Variants in KIAA1191 observed in about 807,000 individuals in gnomAD.
The protein encoded by KIAA1191 is KIAA1191, also known as putative monooxygenase p33MONOX.
A neutral mutation model predicts 31.1 loss-of-function variants in KIAA1191; 22 were observed. That is an observed-to-expected ratio of 0.71 (90% CI 0.51 to 1.01). The LOEUF is 1.01. Ranked by LOEUF, KIAA1191 falls within the 50% of genes least tolerant of loss-of-function variation. The probability of loss-of-function intolerance (pLI) is 0.00; values close to 1 mark genes in which losing one functional copy is unlikely to be tolerated. For synonymous variants in KIAA1191, 130 were observed against 143.9 expected (o/e 0.90, Z 0.69); for missense variants, 319 against 388.0 (o/e 0.82, Z 1.49).
intron 6 of KIAA1191, among the ~76,000 whole-genome samples, chr5:176,348,624 G>A (rs1244163115): frequency 1.3e-5 from 2 of 151,088 alleles, no homozygotes; most frequent in Non-Finnish European, 1.5e-5. Context: ...TTTCAGAAAC[G>A]TGAAGTAATT....
chr5:176,360,488 A>G (rs1234902378), intron 1 of KIAA1191, among the ~76,000 whole-genome samples: 4 of 150,784 alleles, frequency 2.7e-5, no homozygotes, highest in Admixed American at 2.6e-4. Context: ...TCTTACAGAA[A>G]GGCTATCCCA....
At chr5:176,353,323 T>C (rs1237154451) in intron 4 of KIAA1191, 1 of 152,270 alleles carries the variant, frequency 6.6e-6, no homozygotes, top group African/African-American at 2.4e-5. Context: ...CAAGTAATGG[T>C]CTTTTGAAAC....
intron 8 of KIAA1191, 56 bp downstream of exon 8, chr5:176,347,865 T>C: frequency 1.2e-6 from 2 of 1,611,348 alleles, no homozygotes; most frequent in Admixed American, 1.7e-5. Flanking sequence ...GCTCCCGGTA[T>C]ACAATATGGT....
chr5:176,354,946 A>G (rs1036981391), intron 4 of KIAA1191, among the ~76,000 whole-genome samples: 5 of 152,072 alleles, frequency 3.3e-5, no homozygotes, highest in African/African-American at 1.2e-4. Flanking sequence ...AAAGGATACC[A>G]GTTTTCAGGC....
At position 176,347,557 on chromosome 5, in the gene KIAA1191, G is replaced by A; in HGVS notation, c.*43C>T. On this transcript the variant is annotated 3_prime_UTR_variant, in exon 9 of 9. Transcript: ENST00000298569. ...CAAAGCCAAGGTAAAAGGGGAGTGG[G>A]ATGCAAGAAACCACCTTTACCAGAA... 6.5e-6 allele frequency: 9 copies of A among 1,393,072 alleles called. No homozygotes were observed. Among genetic ancestry groups the A allele is most frequent in the Non-Finnish European group, 8.6e-6 (9 of 1,044,652 alleles). 86.3% of individuals were successfully genotyped at this position (1,393,072 alleles called of 1,614,324 possible).
intron 2 of KIAA1191, 96 bp from the exon 3 acceptor site, chr5:176,359,663 G>C: frequency 1.5e-6 from 1 of 655,634 alleles, no homozygotes; most frequent in Non-Finnish European, 2.8e-6. Context: ...TTACAAGGTT[G>C]AAACACACAT....
chr5:176,354,715 T>C (rs555177033), intron 4 of KIAA1191, among the ~76,000 whole-genome samples: 7 of 152,226 alleles, frequency 4.6e-5, no homozygotes, highest in African/African-American at 1.4e-4. Flanking sequence ...GAGCAGTTTT[T>C]GGGAATCTAT....
At chr5:176,359,406 G>C (rs1432647755) in intron 3 of KIAA1191, 75 bp downstream of exon 3, 3 of 1,340,560 alleles carry the variant, frequency 2.2e-6, no homozygotes, top group East Asian at 2.3e-5. Context: ...ATATAGTTCC[G>C]ATAAAATGGT....
intron 4 of KIAA1191, chr5:176,354,086 T>C (rs1305288291): frequency 2.0e-5 from 3 of 152,238 alleles, no homozygotes; most frequent in Non-Finnish European, 4.4e-5. Context: ...TTATCAAATA[T>C]GGCTCTACTA....
At chr5:176,358,824 C>G (rs1561761580) in intron 3 of KIAA1191, among the ~76,000 whole-genome samples, 1 of 152,118 alleles carries the variant, frequency 6.6e-6, no homozygotes, top group African/African-American at 2.4e-5. Flanking sequence ...GTGGCTCACG[C>G]CTGTAATCCC....
chr5:176,359,963 T>C (rs1198152936), intron 1 of KIAA1191, 45 bp from the exon 2 acceptor site: 1 of 165,248 alleles, frequency 6.1e-6, no homozygotes, highest in African/African-American at 2.4e-5. Context: ...CGTCAGAGTC[T>C]GCCAAACACT....
chr5:176,359,635 C>A, intron 2 of KIAA1191, 68 bp from the exon 3 acceptor site: 1 of 754,574 alleles, frequency 1.3e-6, no homozygotes. Flanking sequence ...GGCAGGCACA[C>A]AGAATTGAAC....
Position 176,347,724 on chromosome 5 carries a change from T to C in KIAA1191, c.794A>G (p.Glu265Gly). 6.2e-7 allele frequency: 1 copy of C among 1,610,186 alleles called. No homozygotes were observed. Among genetic ancestry groups the C allele is most frequent in the Non-Finnish European group, 8.5e-7 (1 of 1,178,394 alleles). The change falls in exon 9 of 9, where the codon GAA (glutamate) becomes GGA (glycine). Residue 265 changes from glutamate (E) to glycine (G), a missense_variant. Coordinates refer to ENST00000298569, the MANE Select transcript of KIAA1191 (RefSeq NM_020444.5). ...GGGGGGCTTCAAGGCTGCTGGATCT[T>C]CAGCCATTCGGTTGGCCTGGGCACG... ...LIRAQANRMA[E>G]DPAALKPPKM...
intron 7 of KIAA1191, 35 bp downstream of exon 7, chr5:176,348,215 C>G (rs376773542): frequency 2.9e-5 from 46 of 1,601,414 alleles, no homozygotes; most frequent in Non-Finnish European, 3.6e-5. Context: ...TCCTGAAGCA[C>G]GCAGGAACTC....
In KIAA1191 at chr5:176,347,655, CG is replaced by C; in HGVS notation, c.862del (p.Arg288GlyfsTer10). 1 of 1,565,502 alleles carries C rather than the reference CG, an allele frequency of 6.4e-7. No individual in the cohort carries two copies. The highest frequency in any genetic ancestry group is 1.4e-5 in the African/African-American group (1 of 73,174). ...PVMEGKKQPP[R>X]AHNLKPRDLN... ...GTCACGGGGTTTGAGGTTATGGGCC[CG>C]TGGTGGCTGTTTCTTTCCTTCCATC... On this transcript the variant is annotated frameshift_variant, in exon 9 of 9. Transcript: ENST00000298569. LOFTEE classifies it high-confidence loss of function.
intron 2 of KIAA1191, 21 bp downstream of exon 2, chr5:176,359,790 A>G: frequency 2.8e-6 from 1 of 353,962 alleles, no homozygotes; most frequent in Non-Finnish European, 5.5e-6. Context: ...GATGCCATAC[A>G]TGGTGAAAAA....
chr5:176,350,580 G>T (rs1766905011), intron 6 of KIAA1191, 33 bp downstream of exon 6: 2 of 1,608,952 alleles, frequency 1.2e-6, no homozygotes, highest in Non-Finnish European at 1.7e-6. Context: ...GAACACTGAA[G>T]GTTTTGTTTT....
In KIAA1191 at chr5:176,346,763, A is replaced by T. The variant is rs1766541016; in HGVS notation, c.*837T>A. The T allele has an allele frequency of 6.6e-6, 1 of 152,246 alleles. No homozygotes were observed. Among genetic ancestry groups the T allele is most frequent in the Non-Finnish European group, 1.5e-5 (1 of 68,034 alleles). The allele number at this position is 152,246 out of a possible 1,614,324, so 9.4% of individuals were successfully genotyped here. On this transcript the variant is annotated 3_prime_UTR_variant, in exon 9 of 9. Transcript: ENST00000298569. Reference sequence around the variant, plus strand: ...AGCAGGGGGACTCAAGGTTCAGCCTAGAAAGAGGGGTCCCTGCCAAGTCTG... The same window carrying T: ...AGCAGGGGGACTCAAGGTTCAGCCTTGAAAGAGGGGTCCCTGCCAAGTCTG...
chr5:176,350,844 G>T, intron 5 of KIAA1191, 107 bp from the exon 6 acceptor site: 1 of 1,363,874 alleles, frequency 7.3e-7, no homozygotes, highest in South Asian at 1.4e-5. Context: ...AGACCACACT[G>T]ACCATTCAAA....
Sources: gnomAD v4.1 joint callset for allele counts (sites outside exome capture counted in the v4.1 genomes callset) on GRCh38, gnomAD v4.1.1 for gene constraint, MANE v1.5 for transcripts, NCBI Gene and HGNC (gene_info 2026-07-23, HGNC 2026-07-21) for gene names.